LMO7: variants seen among roughly 807,000 people sequenced by gnomAD.
LMO7 encodes the protein LIM domain 7.
In LMO7, 120 loss-of-function variants were observed where a neutral mutation model predicts 206.5. The observed-to-expected ratio is 0.58, with a 90% confidence interval of 0.50 to 0.68. The LOEUF is 0.68. LMO7 is among the 30% of genes least tolerant of loss of function. The probability of loss-of-function intolerance (pLI) is 0.00; values close to 1 mark genes in which losing one functional copy is unlikely to be tolerated. For missense variants in LMO7, 1,959 were observed against 1,957.9 expected (o/e 1.00, Z -0.01); for synonymous variants, 706 against 681.5 (o/e 1.04, Z -0.56).
At chr13:75,857,847 C>T in intron 30 of LMO7, 74 bp from the exon 31 acceptor site, 2 of 1,003,534 alleles carry the variant, frequency 2.0e-6, no homozygotes, top group Admixed American at 4.4e-5. Context: ...GTGATGACTG[C>T]TATGTATCCC....
At chr13:75,661,400 G>A (rs971664782) in intron 1 of LMO7, among the ~76,000 whole-genome samples, 1 of 152,198 alleles carries the variant, frequency 6.6e-6, no homozygotes, top group African/African-American at 2.4e-5. Context: ...GTGACCATGA[G>A]CAAGTTACAG....
intron 2 of LMO7, among the ~76,000 whole-genome samples, chr13:75,629,133 G>T (rs1300850755): frequency 6.6e-6 from 1 of 152,138 alleles, no homozygotes; most frequent in Non-Finnish European, 1.5e-5. Flanking sequence ...TCCTAACAAA[G>T]AATTATCCGA....
chr13:75,702,895 C>A (rs1402764507), intron 1 of LMO7, among the ~76,000 whole-genome samples: 3 of 152,216 alleles, frequency 2.0e-5, no homozygotes, highest in Non-Finnish European at 4.4e-5. Flanking sequence ...CTAACATATT[C>A]TTTAACCTGG....
chr13:75,717,978 AT>A (rs2043696115), intron 2 of LMO7, among the ~76,000 whole-genome samples: 1 of 152,236 alleles, frequency 6.6e-6, no homozygotes, highest in African/African-American at 2.4e-5. Context: ...TTCAAGTAAT[AT>A]AAGCTTTGCA....
At chr13:75,840,587 A>G (rs2059487723) in intron 22 of LMO7, 92 bp downstream of exon 22, 1 of 1,437,600 alleles carries the variant, frequency 7.0e-7, no homozygotes, top group Non-Finnish European at 9.5e-7. Context: ...CTAATTTTAA[A>G]CGCAACAATC....
At chr13:75,800,931 A>T in intron 7 of LMO7, 49 bp downstream of exon 7, 2 of 1,557,792 alleles carry the variant, frequency 1.3e-6, no homozygotes, top group Non-Finnish European at 1.8e-6. Context: ...ATTAAGGGAG[A>T]ACTGGGAACA....
chr13:75,834,169 C>A (rs1334688527), intron 16 of LMO7, 57 bp from the exon 17 acceptor site: 2 of 1,329,532 alleles, frequency 1.5e-6, no homozygotes, highest in East Asian at 4.9e-5. Context: ...AAAGCAGCAA[C>A]TAATAGAACA....
chr13:75,808,541 G>T (rs1044043943), intron 10 of LMO7, among the ~76,000 whole-genome samples: 1 of 152,112 alleles, frequency 6.6e-6, no homozygotes, highest in East Asian at 1.9e-4. Context: ...TTATAGTTTG[G>T]TTTTATGTGT....
chr13:75,678,021 T>C (rs2040170763), intron 1 of LMO7, among the ~76,000 whole-genome samples: 1 of 152,168 alleles, frequency 6.6e-6, no homozygotes, highest in African/African-American at 2.4e-5. Flanking sequence ...ATGTGCCACA[T>C]TTTCTTAATC....
intron 4 of LMO7, among the ~76,000 whole-genome samples, chr13:75,793,528 A>C (rs568208118): frequency 1.3e-5 from 2 of 152,238 alleles, no homozygotes; most frequent in African/African-American, 4.8e-5. Flanking sequence ...CACCCTCCTC[A>C]GCCTCCCAAA....
Position 75,842,712 on chromosome 13 carries a change from C to A in LMO7, c.4032-139C>A, listed in dbSNP as rs1194984724. ...TTTCTGTGGTTATTCATTGAAATAC[C>A]TTTGTATGTTTAGTTTTTAACCCAA... is the stretch of plus-strand genomic sequence containing the variant. On this transcript the variant is annotated intron_variant, in intron 24 of 30. Coordinates refer to ENST00000377534, the MANE Select transcript of LMO7 (RefSeq NM_001306080.2). 7 of 592,604 alleles carry A rather than the reference C, an allele frequency of 1.2e-5. No individual in the cohort carries two copies. The East Asian group carries it at 1.7e-4, about 14-fold the overall frequency. The allele number at this position is 592,604 out of a possible 1,614,324, so 36.7% of individuals were successfully genotyped here.
intron 4 of LMO7, among the ~76,000 whole-genome samples, chr13:75,779,530 T>C (rs899550029): frequency 1.3e-5 from 2 of 152,204 alleles, no homozygotes; most frequent in Non-Finnish European, 2.9e-5. Context: ...AAGCTAGTTA[T>C]ATTATTCATT....
At chr13:75,690,700 T>C (rs1214027833) in intron 1 of LMO7, among the ~76,000 whole-genome samples, 1 of 152,206 alleles carries the variant, frequency 6.6e-6, no homozygotes, top group African/African-American at 2.4e-5. Context: ...ACTTTACTTA[T>C]AAAAACAAGT....
rs540323170 is a variant in LMO7, at chr13:75,795,995, T to C, written c.348+564T>C. ...AAATAAAATTAAATTTAAAAACATA[T>C]TGTTAGAGTGGTATAAGAGGATAGG... On this transcript the variant is annotated intron_variant, in intron 5 of 30. Coordinates refer to ENST00000377534, the MANE Select transcript of LMO7 (RefSeq NM_001306080.2). 4.6e-5 allele frequency among the ~76,000 whole-genome samples: 7 copies of C among 152,070 alleles called. No individual in the cohort carries two copies. The East Asian group carries it at 1.4e-3, about 29-fold the overall frequency.
At chr13:75,768,309 G>C (rs1458192863) in intron 4 of LMO7, among the ~76,000 whole-genome samples, 1 of 151,922 alleles carries the variant, frequency 6.6e-6, no homozygotes, top group Non-Finnish European at 1.5e-5. Context: ...TCTCCATTGG[G>C]AGCAGATATT....
chr13:75,794,101 A>T (rs144822373), intron 4 of LMO7, among the ~76,000 whole-genome samples: 2 of 152,244 alleles, frequency 1.3e-5, no homozygotes, highest in African/African-American at 4.8e-5. Flanking sequence ...TGCGATGAAT[A>T]GTGCTGTGAT....
intron 4 of LMO7, among the ~76,000 whole-genome samples, chr13:75,776,371 C>A (rs940613796): frequency 4.0e-5 from 6 of 150,932 alleles, no homozygotes; most frequent in Non-Finnish European, 7.4e-5. Context: ...GTTCATTGTT[C>A]TCTTCCTTGT....
At chr13:75,638,702 G>A (rs1041699547) in intron 1 of LMO7, among the ~76,000 whole-genome samples, 2 of 152,068 alleles carry the variant, frequency 1.3e-5, no homozygotes, top group Non-Finnish European at 2.9e-5. Context: ...CACTGTTAGG[G>A]CTATTTTGTT....
intron 12 of LMO7, 50 bp from the exon 13 acceptor site, chr13:75,819,343 G>A (rs1215926421): frequency 4.6e-6 from 7 of 1,526,450 alleles, no homozygotes; most frequent in Admixed American, 2.3e-5. Flanking sequence ...CTGCTAGAAA[G>A]GGTGTATAGA....
Sources: gnomAD v4.1 joint callset for allele counts (sites outside exome capture counted in the v4.1 genomes callset) on GRCh38, gnomAD v4.1.1 for gene constraint, MANE v1.5 for transcripts, NCBI Gene and HGNC (gene_info 2026-07-23, HGNC 2026-07-21) for gene names.